The following LMX1A variants were observed in gnomAD, a reference collection of about 807,000 sequenced individuals.
The protein encoded by LMX1A is LIM homeobox transcription factor 1-alpha.
A neutral mutation model predicts 49.1 loss-of-function variants in LMX1A; 15 were observed. That is an observed-to-expected ratio of 0.31 (90% confidence interval 0.20 to 0.47). The LOEUF (loss-of-function observed/expected upper bound fraction) is 0.47. Among genes scored for constraint, LMX1A ranks in the 20% least tolerant of loss-of-function variants. The pLI is 1.00. For missense variants in LMX1A, 372 were observed against 475.8 expected, an observed-to-expected ratio of 0.78 and a Z score of 2.03; for synonymous variants, 167 against 185.7, an observed-to-expected ratio of 0.90 and a Z score of 0.82.
At chr1:165,300,537 G>A (rs1024585633) in intron 3 of LMX1A, among the ~76,000 whole-genome samples, 12 of 152,148 alleles carry the variant, frequency 7.9e-5, no homozygotes, top group African/African-American at 2.9e-4. Flanking sequence ...GTTCTCAGAA[G>A]AGCAGCACTT....
At chr1:165,297,606 G>A (rs1654651998) in intron 3 of LMX1A, among the ~76,000 whole-genome samples, 1 of 152,212 alleles carries the variant, frequency 6.6e-6, no homozygotes, top group Non-Finnish European at 1.5e-5. Flanking sequence ...ATCAGGATGG[G>A]CTAGTGGCTA....
intron 4 of LMX1A, among the ~76,000 whole-genome samples, chr1:165,241,753 G>C (rs1652663634): frequency 6.6e-6 from 1 of 152,150 alleles, no homozygotes; most frequent in Non-Finnish European, 1.5e-5. Flanking sequence ...TAATTTATTG[G>C]AGAACAAGAA....
intron 4 of LMX1A, among the ~76,000 whole-genome samples, chr1:165,247,054 C>CTTTTTTTATTTTTTTTTTTTTTTT (rs1652876179): frequency 1.9e-5 from 1 of 53,228 alleles, no homozygotes; most frequent in Non-Finnish European, 3.3e-5. Context: ...TCAGCTTTTT[C>CTTTTTTTATTTTTTTTTTTTTTTT]TTTTTTTTTT....
At chr1:165,249,924 T>C (rs1652996042) in intron 3 of LMX1A, among the ~76,000 whole-genome samples, 1 of 152,186 alleles carries the variant, frequency 6.6e-6, no homozygotes, top group African/African-American at 2.4e-5. Context: ...GATCATGTCC[T>C]TTTCAGGCAC....
intron 4 of LMX1A, among the ~76,000 whole-genome samples, chr1:165,233,634 G>A (rs778188044): frequency 3.9e-5 from 6 of 152,118 alleles, no homozygotes; most frequent in Non-Finnish European, 8.8e-5. Context: ...ATTTTATCTA[G>A]ATCCCTGGTT....
intron 4 of LMX1A, among the ~76,000 whole-genome samples, chr1:165,240,308 C>A (rs915263679): frequency 2.7e-5 from 3 of 111,924 alleles, no homozygotes; most frequent in Non-Finnish European, 3.6e-5. Context: ...CTTTTAAATA[C>A]CTACTCAAGG....
intron 4 of LMX1A, among the ~76,000 whole-genome samples, chr1:165,247,232 T>C (rs1652894414): frequency 2.0e-5 from 3 of 152,034 alleles, no homozygotes; most frequent in Non-Finnish European, 4.4e-5. Context: ...GACCACAGCA[T>C]TTATTTCCAT....
intron 3 of LMX1A, among the ~76,000 whole-genome samples, chr1:165,348,479 C>T (rs770080026): frequency 6.6e-5 from 10 of 152,146 alleles, no homozygotes; most frequent in African/African-American, 1.2e-4. Context: ...GGCCCATGGA[C>T]GGTGCTTATG....
chr1:165,337,693 T>A (rs898055470), intron 3 of LMX1A, among the ~76,000 whole-genome samples: 3 of 152,182 alleles, frequency 2.0e-5, no homozygotes, highest in Non-Finnish European at 2.9e-5. Flanking sequence ...TTGTGGCTGG[T>A]TATCGCCGTT....
chr1:165,292,040 CG>C (rs1460509349), intron 3 of LMX1A, among the ~76,000 whole-genome samples: 3 of 119,880 alleles, frequency 2.5e-5, no homozygotes, highest in Non-Finnish European at 4.8e-5. Context: ...CCAGCCTGGG[CG>C]ACAGAGCGAA....
In LMX1A at chr1:165,355,405, G is replaced by C; in HGVS notation, c.76+79C>G. On this transcript the variant is annotated intron_variant, in intron 2 of 8. Transcript: ENST00000342310. This position sits in a 1 kb window ranked among gnomAD's most constrained non-coding sequence, Gnocchi z 4.7. ...GCGCTAGCTTCCCTATCGCGGACCA[G>C]GTCCCAGAGAGCGGGGCTCCAGAGC... 1 of 1,401,988 alleles carries C rather than the reference G, an allele frequency of 7.1e-7. No individual in the cohort carries two copies. Among genetic ancestry groups the C allele is most frequent in the Non-Finnish European group, 1.0e-6 (1 of 998,308 alleles). 86.8% of individuals were successfully genotyped at this position (1,401,988 alleles called of 1,614,324 possible). A position where few individuals can be genotyped will look rare whatever the true frequency, so the allele number is the denominator to read the frequency against.
chr1:165,221,645 C>T (rs1390852056), intron 4 of LMX1A, among the ~76,000 whole-genome samples: 1 of 152,172 alleles, frequency 6.6e-6, no homozygotes, highest in Admixed American at 6.5e-5. Flanking sequence ...CACTTCAGCT[C>T]AGACGTCCAG....
chr1:165,252,532 T>C (rs930077393), intron 3 of LMX1A, among the ~76,000 whole-genome samples: 2 of 152,266 alleles, frequency 1.3e-5, no homozygotes, highest in Non-Finnish European at 2.9e-5. Flanking sequence ...GCATTCATTT[T>C]ACTATTTCCA....
At chr1:165,266,605 T>TC (rs1300481984) in intron 3 of LMX1A, among the ~76,000 whole-genome samples, 1 of 134,412 alleles carries the variant, frequency 7.4e-6, no homozygotes, top group Non-Finnish European at 1.6e-5. Context: ...CTTTTTTTTT[T>TC]TTTTTTTTTT....
At chr1:165,216,603 G>T (rs1651651925) in intron 4 of LMX1A, among the ~76,000 whole-genome samples, 1 of 152,154 alleles carries the variant, frequency 6.6e-6, no homozygotes, top group African/African-American at 2.4e-5. Flanking sequence ...AAATGCAGTT[G>T]TATTATCTCC....
At chr1:165,272,656 G>A (rs779957978) in intron 3 of LMX1A, among the ~76,000 whole-genome samples, 4 of 152,204 alleles carry the variant, frequency 2.6e-5, no homozygotes, top group Non-Finnish European at 5.9e-5. Context: ...ATGAACTGAA[G>A]TCAGCTGGCT....
intron 3 of LMX1A, among the ~76,000 whole-genome samples, chr1:165,348,759 A>G (rs1974080): frequency 0.2 from 30,768 of 152,138 alleles, 3,459 homozygotes; most frequent in African/African-American, 0.29. Context: ...ACCTTGATAA[A>G]ATGCAGAATT....
intron 3 of LMX1A, among the ~76,000 whole-genome samples, chr1:165,327,100 G>A (rs780931006): frequency 6.6e-6 from 1 of 152,158 alleles, no homozygotes; most frequent in African/African-American, 2.4e-5. Context: ...GGGTAGAGAT[G>A]GATTTGGTAG....
chr1:165,247,980 C>T (rs939736028), intron 4 of LMX1A, among the ~76,000 whole-genome samples: 3 of 152,232 alleles, frequency 2.0e-5, no homozygotes, highest in Non-Finnish European at 2.9e-5. Context: ...CACCCAGTGT[C>T]CCAGCCTGTG....
Sources: gnomAD v4.1 joint callset for allele counts (sites outside exome capture counted in the v4.1 genomes callset) on GRCh38, gnomAD v4.1.1 for gene constraint, Gnocchi (gnomAD v3.1) non-coding constraint, MANE v1.5 for transcripts, NCBI Gene and HGNC (gene_info 2026-07-23, HGNC 2026-07-21) for gene names.